WDPCP: variants seen among roughly 807,000 people sequenced by gnomAD.
WDPCP encodes WD repeat containing planar cell polarity effector.
WDPCP carries 71 observed loss-of-function variants against 93.1 expected under a neutral mutation model. The observed-to-expected ratio is 0.76, with a 90% CI of 0.63 to 0.93. The LOEUF (loss-of-function observed/expected upper bound fraction) is 0.93. Among genes scored for constraint, WDPCP ranks in the 40% least tolerant of loss-of-function variants. WDPCP has a pLI of 0.00. For missense variants in WDPCP, 844 were observed against 887.4 expected (o/e 0.95, Z 0.62); for synonymous variants, 315 against 315.0 (o/e 1.00, Z 0.00).
At chr2:63,186,217 T>A (rs1401491958) in intron 14 of WDPCP, among the ~76,000 whole-genome samples, 1 of 152,166 alleles carries the variant, frequency 6.6e-6, no homozygotes, top group Non-Finnish European at 1.5e-5. Flanking sequence ...TGTCCACAAA[T>A]CTTGCCACTT....
At chr2:63,541,586 C>G (rs999101327) in intron 1 of WDPCP, among the ~76,000 whole-genome samples, 1 of 152,100 alleles carries the variant, frequency 6.6e-6, no homozygotes, top group African/African-American at 2.4e-5. Flanking sequence ...TTCCATTTTG[C>G]CCGTTTGTTA....
intron 2 of WDPCP, among the ~76,000 whole-genome samples, chr2:63,777,136 C>T (rs1038413971): frequency 2.0e-5 from 3 of 152,028 alleles, no homozygotes; most frequent in African/African-American, 7.2e-5. Context: ...CATGATTTGA[C>T]CATTATACAA....
At chr2:63,426,614 A>T (rs1696317273) in intron 9 of WDPCP, among the ~76,000 whole-genome samples, 1 of 152,238 alleles carries the variant, frequency 6.6e-6, no homozygotes, top group African/African-American at 2.4e-5. Context: ...CACATAGCCC[A>T]CAAATACTAT....
intron 13 of WDPCP, among the ~76,000 whole-genome samples, chr2:63,275,279 G>A (rs1326658635): frequency 1.3e-5 from 2 of 152,002 alleles, no homozygotes; most frequent in African/African-American, 4.8e-5. Flanking sequence ...AGGCAAAAAA[G>A]GAACCTACCT....
chr2:63,312,193 AG>A (rs1686238359), intron 13 of WDPCP, among the ~76,000 whole-genome samples: 1 of 152,194 alleles, frequency 6.6e-6, no homozygotes, highest in African/African-American at 2.4e-5. Flanking sequence ...GATCAATAAT[AG>A]TATAATTAAT....
intron 13 of WDPCP, among the ~76,000 whole-genome samples, chr2:63,280,528 C>A (rs1683456513): frequency 6.6e-6 from 1 of 152,126 alleles, no homozygotes. Flanking sequence ...CAAAGCAAGA[C>A]AAAGCAAAAA....
At chr2:63,169,898 CTT>C (rs572202471) in intron 15 of WDPCP, among the ~76,000 whole-genome samples, 13 of 142,846 alleles carry the variant, frequency 9.1e-5, no homozygotes, top group South Asian at 2.2e-4. Context: ...TTTCAGTGGA[CTT>C]TTTTTTTTTT....
intron 2 of WDPCP, among the ~76,000 whole-genome samples, chr2:63,674,416 G>A (rs934077864): frequency 5.3e-5 from 8 of 152,102 alleles, no homozygotes; most frequent in Non-Finnish European, 1.0e-4. Context: ...TAAAGCTAGA[G>A]GACATTATGC....
intron 2 of WDPCP, among the ~76,000 whole-genome samples, chr2:63,798,408 T>G (rs561503847): frequency 6.6e-4 from 101 of 152,276 alleles, no homozygotes; most frequent in African/African-American, 2.2e-3. Context: ...AACAAAATGT[T>G]AAAAAGCAGG....
At chr2:63,655,864 T>G (rs1490458875) in intron 2 of WDPCP, among the ~76,000 whole-genome samples, 1 of 152,258 alleles carries the variant, frequency 6.6e-6, no homozygotes, top group Non-Finnish European at 1.5e-5. Flanking sequence ...TTCCATTGTA[T>G]GTATGCATCA....
intron 13 of WDPCP, among the ~76,000 whole-genome samples, chr2:63,307,659 G>C (rs376283816): frequency 6.6e-6 from 1 of 152,176 alleles, no homozygotes; most frequent in Non-Finnish European, 1.5e-5. Context: ...TTAATAAATG[G>C]TGTTGGGAAA....
intron 14 of WDPCP, among the ~76,000 whole-genome samples, chr2:63,204,187 T>C (rs1455965380): frequency 6.6e-6 from 1 of 152,190 alleles, no homozygotes; most frequent in Non-Finnish European, 1.5e-5. Flanking sequence ...GAGTTTTCCC[T>C]TTTCTCCACA....
intron 6 of WDPCP, among the ~76,000 whole-genome samples, chr2:63,455,087 C>T (rs1698529064): frequency 6.6e-6 from 1 of 151,948 alleles, no homozygotes; most frequent in South Asian, 2.1e-4. Flanking sequence ...GATTAATTCC[C>T]ATCATCAAAA....
intron 1 of WDPCP, among the ~76,000 whole-genome samples, chr2:63,503,508 A>G (rs1415354210): frequency 6.6e-6 from 1 of 152,022 alleles, no homozygotes; most frequent in Non-Finnish European, 1.5e-5. Context: ...AATAATAATC[A>G]TCATCATCAT....
chr2:63,609,929 G>A (rs2106633613), intron 3 of WDPCP, among the ~76,000 whole-genome samples: 1 of 152,282 alleles, frequency 6.6e-6, no homozygotes, highest in East Asian at 1.9e-4. Context: ...AGTTATTGGA[G>A]AGATCTAGAT....
At chr2:63,497,789 G>A (rs1040900301) in intron 1 of WDPCP, among the ~76,000 whole-genome samples, 1 of 152,184 alleles carries the variant, frequency 6.6e-6, no homozygotes, top group Non-Finnish European at 1.5e-5. Flanking sequence ...TCAAGACTGA[G>A]CTTGTATTAT....
chr2:63,230,740 G>C (rs985598493), intron 14 of WDPCP, among the ~76,000 whole-genome samples: 2 of 152,130 alleles, frequency 1.3e-5, no homozygotes, highest in Non-Finnish European at 2.9e-5. Context: ...GTCTTCTTTT[G>C]AGAAGTGTAT....
intron 6 of WDPCP, among the ~76,000 whole-genome samples, chr2:63,476,698 T>C (rs1699994638): frequency 6.6e-6 from 1 of 152,200 alleles, no homozygotes; most frequent in African/African-American, 2.4e-5. Context: ...GTGATGAGTT[T>C]TGTATAAATA....
Position 63,706,340 on chromosome 2 carries a change from G to T in WDPCP, n.309-55502C>A, listed in dbSNP as rs557942582. On this transcript the variant is annotated intron_variant and non_coding_transcript_variant, in intron 2 of 4. Coordinates refer to the WDPCP transcript ENST00000467687. ...TGTGTGAATTTGATCCTGTCATTAT[G>T]ATGTTAGCTGGTTATTTTGCTCATT... 3.3e-5 allele frequency among the ~76,000 whole-genome samples: 5 copies of T among 152,262 alleles called. No individual in the cohort carries two copies. In the East Asian group the frequency reaches 9.7e-4, roughly 29 times the overall value.
Sources: gnomAD v4.1 joint callset for allele counts (sites outside exome capture counted in the v4.1 genomes callset) on GRCh38, gnomAD v4.1.1 for gene constraint, MANE v1.5 for transcripts, NCBI Gene and HGNC (gene_info 2026-07-23, HGNC 2026-07-21) for gene names.